The following BEND6 variants were observed in gnomAD, a reference collection of about 807,000 sequenced individuals.
The protein encoded by BEND6 is BEN domain-containing protein 6.
A neutral mutation model predicts 31.8 loss-of-function variants in BEND6; 24 were observed. That is an observed-to-expected ratio of 0.75 (90% CI 0.55 to 1.06). BEND6 has a LOEUF of 1.06. Ranked by LOEUF, BEND6 falls within the 50% of genes least tolerant of loss-of-function variation. The probability of loss-of-function intolerance (pLI) is 0.00; values close to 1 mark genes in which losing one functional copy is unlikely to be tolerated. For missense variants in BEND6, 294 were observed against 327.4 expected (o/e 0.90, Z 0.79); for synonymous variants, 109 against 114.6 (o/e 0.95, Z 0.31).
chr6:57,018,676 G>A, intron 6 of BEND6, 119 bp downstream of exon 6: 1 of 1,046,952 alleles, frequency 9.6e-7, no homozygotes, highest in Non-Finnish European at 1.2e-6. Flanking sequence ...CCCATGAAAA[G>A]CTAATAGGTA....
intron 1 of BEND6, among the ~76,000 whole-genome samples, chr6:56,968,590 AC>A: frequency 6.6e-6 from 1 of 151,980 alleles, no homozygotes; most frequent in Middle Eastern, 3.4e-3. Flanking sequence ...TCCCAAAGCC[AC>A]AGTGGTGTGA....
chr6:56,964,825 C>T (rs985663288), intron 1 of BEND6, among the ~76,000 whole-genome samples: 7 of 152,154 alleles, frequency 4.6e-5, no homozygotes, highest in African/African-American at 1.7e-4. Context: ...TTCTGAACCT[C>T]GACGTTAGGT....
intron 6 of BEND6, among the ~76,000 whole-genome samples, chr6:57,025,186 A>G (rs1191604242): frequency 6.6e-6 from 1 of 152,202 alleles, no homozygotes; most frequent in Non-Finnish European, 1.5e-5. Context: ...GAGAGTTCAC[A>G]TATCACCGTC....
Position 57,019,163 on chromosome 6 carries a change from G to A in BEND6, c.*9+606G>A, listed in dbSNP as rs910175325. ...AATAAGGATTTTTACCAAGATGCAT[G>A]TCCTATACTAAGAAAAAGAATAATT... is the stretch of plus-strand genomic sequence containing the variant. On this transcript the variant is annotated intron_variant, in intron 6 of 6. Transcript: ENST00000370746. Among the ~76,000 whole-genome samples the A allele has an allele frequency of 4.6e-5, 7 of 152,160 alleles. No homozygotes were observed. The South Asian group carries it at 6.2e-4, about 14-fold the overall frequency.
intron 4 of BEND6, among the ~76,000 whole-genome samples, chr6:57,016,383 A>C (rs756908685): frequency 6.6e-6 from 1 of 152,252 alleles, no homozygotes; most frequent in Non-Finnish European, 1.5e-5. Context: ...TCTATAGATC[A>C]GAAGTCTGGT....
intron 2 of BEND6, among the ~76,000 whole-genome samples, chr6:56,989,762 T>C (rs1490291676): frequency 6.6e-6 from 1 of 152,210 alleles, no homozygotes; most frequent in African/African-American, 2.4e-5. Flanking sequence ...TTTGTTCATG[T>C]CTTCTGCCTA....
At chr6:56,957,453 A>G (rs1825127512) in intron 1 of BEND6, among the ~76,000 whole-genome samples, 1 of 152,202 alleles carries the variant, frequency 6.6e-6, no homozygotes, top group African/African-American at 2.4e-5. Flanking sequence ...CATAGTATTA[A>G]TTGCTTCTGT....
intron 3 of BEND6, among the ~76,000 whole-genome samples, chr6:56,998,446 C>A (rs572439095): frequency 6.6e-6 from 1 of 152,050 alleles, no homozygotes; most frequent in South Asian, 2.1e-4. Flanking sequence ...AACTGACCAG[C>A]ACAATAGGAT....
rs148443947 is a variant in BEND6 at position 56,992,391 on chromosome 6, C to T, written c.134C>T (p.Ser45Leu). Residue 45 changes from serine to leucine, a missense_variant, in exon 3 of 7, where the codon TCG becomes TTG. Ser to Leu is a moderately radical substitution (Grantham distance 145). Coordinates refer to ENST00000370746, the MANE Select transcript of BEND6 (RefSeq NM_152731.3). ...CTTCTATTTTAGAGAGACCCATATT[C>T]GGGAAATGCCTTTCTGCCTGGTGAA... Reference protein sequence around the residue: ...DMDKGQRDPYSGNAFLPGESS... With the variant: ...DMDKGQRDPYLGNAFLPGESS... 1,134 of 1,607,632 alleles carry T rather than the reference C, an allele frequency of 7.1e-4. 7 individuals carry two copies. In the Middle Eastern group the frequency reaches 0.013, roughly 18 times the overall value.
chr6:56,996,918 C>G, intron 3 of BEND6, among the ~76,000 whole-genome samples: 1 of 152,192 alleles, frequency 6.6e-6, no homozygotes, highest in Non-Finnish European at 1.5e-5. Context: ...TATTCTCAAC[C>G]CAGCAGTGAG....
chr6:57,017,325 G>T lies in BEND6; in HGVS notation c.638G>T (p.Gly213Val). The change falls in exon 5 of 7, where the codon GGG becomes GTG. Residue 213 changes from glycine (G) to valine (V), a missense_variant. Physicochemically the swap from Gly to Val is moderately radical, Grantham distance 109. Coordinates refer to ENST00000370746, the MANE Select transcript of BEND6 (RefSeq NM_152731.3). ...NEYMATHSLT[G>V]AKSSTSRDKA... ...TACATGGCCACTCACAGCCTGACAG[G>T]GGCAAAATCCTCTACTTCAAGGGAC... is the stretch of plus-strand genomic sequence containing the variant. The T allele has an allele frequency of 6.9e-7, 1 of 1,455,800 alleles. No homozygotes were observed. Among genetic ancestry groups the T allele is most frequent in the Non-Finnish European group, 9.1e-7 (1 of 1,099,970 alleles). 90.2% of individuals were successfully genotyped at this position (1,455,800 alleles called of 1,614,324 possible).
intron 1 of BEND6, among the ~76,000 whole-genome samples, chr6:56,963,990 ATTG>A (rs1825378954): frequency 6.8e-6 from 1 of 146,484 alleles, no homozygotes; most frequent in African/African-American, 2.5e-5. Flanking sequence ...ATAAATAATT[ATTG>A]TTATAAAATA....
intron 3 of BEND6, chr6:57,010,513 CCTTTTAGA>C (rs1463341447): frequency 5.1e-6 from 1 of 194,496 alleles, no homozygotes; most frequent in Non-Finnish European, 9.3e-6. Context: ...TTTAAATACA[CCTTTTAGA>C]GATGCCTACA....
rs1176320403 is a variant in BEND6, at chr6:56,992,377, G to T, written c.121-1G>T. On this transcript the variant is annotated splice_acceptor_variant, in intron 2 of 6. Coordinates refer to ENST00000370746, the MANE Select transcript of BEND6 (RefSeq NM_152731.3). LOFTEE classifies it high-confidence loss of function. ...TTTATTGTGCCTGCCTTCTATTTTA[G>T]AGAGACCCATATTCGGGAAATGCCT... is the stretch of plus-strand genomic sequence containing the variant. 1.2e-6 allele frequency: 2 copies of T among 1,601,680 alleles called. No homozygotes were observed. The highest frequency in any genetic ancestry group is 2.7e-5 in the African/African-American group (2 of 73,720).
At chr6:56,970,632 GA>G (rs1277232172) in intron 1 of BEND6, among the ~76,000 whole-genome samples, 1 of 152,172 alleles carries the variant, frequency 6.6e-6, no homozygotes, top group Admixed American at 6.5e-5. Context: ...CTACCTATCA[GA>G]AACTGGTAGT....
At chr6:56,960,402 C>T (rs2127836980) in intron 1 of BEND6, among the ~76,000 whole-genome samples, 1 of 152,214 alleles carries the variant, frequency 6.6e-6, no homozygotes, top group African/African-American at 2.4e-5. Context: ...AAACATTCTA[C>T]ATCTGAAACT....
intron 3 of BEND6, among the ~76,000 whole-genome samples, chr6:57,013,495 T>C (rs1827419224): frequency 6.6e-6 from 1 of 152,232 alleles, no homozygotes; most frequent in Non-Finnish European, 1.5e-5. Flanking sequence ...GTTGATTGAC[T>C]GCACATGTGG....
intron 1 of BEND6, among the ~76,000 whole-genome samples, chr6:56,980,545 T>G (rs1826030923): frequency 6.6e-6 from 1 of 152,206 alleles, no homozygotes; most frequent in African/African-American, 2.4e-5. Flanking sequence ...GCAAGCTGTC[T>G]GGTATTTGTG....
At chr6:56,965,706 G>A (rs1245258272) in intron 1 of BEND6, among the ~76,000 whole-genome samples, 1 of 141,100 alleles carries the variant, frequency 7.1e-6, no homozygotes, top group Non-Finnish European at 1.5e-5. Context: ...ATATATATGC[G>A]ATATTAACAT....
Sources: gnomAD v4.1 joint callset for allele counts (sites outside exome capture counted in the v4.1 genomes callset) on GRCh38, gnomAD v4.1.1 for gene constraint, MANE v1.5 for transcripts, NCBI Gene and HGNC (gene_info 2026-07-23, HGNC 2026-07-21) for gene names.